Variants in CEMIP2 observed in about 807,000 individuals in gnomAD.
CEMIP2 encodes cell surface hyaluronidase CEMIP2.
In CEMIP2, 79 loss-of-function variants were observed where a neutral mutation model predicts 146.9. The ratio of observed to expected loss-of-function variants is 0.54; its 90% CI spans 0.45 to 0.65. The LOEUF is 0.65. Among genes scored for constraint, CEMIP2 ranks in the 30% least tolerant of loss-of-function variants. The probability of loss-of-function intolerance (pLI) is 0.00; values close to 1 mark genes in which losing one functional copy is unlikely to be tolerated. For missense variants in CEMIP2, 1,596 were observed against 1,696.2 expected (o/e 0.94, Z 1.04); for synonymous variants, 601 against 606.3 (o/e 0.99, Z 0.13).
In CEMIP2 at chr9:71,712,104, G is replaced by C. The variant is rs1375778339; in HGVS notation, c.2748C>G (p.Ser916=). The change falls in exon 16 of 24, where the codon TCC becomes TCG. Residue 916 remains serine (S), a synonymous_variant. Transcript: ENST00000377044. ...SWQITPRNNI[S]LVKFGPHVSL... ...TTACATGTGGACCAAACTTCACGAG[G>C]GAGATATTATTCCTGGGGGTTATCT... 1.2e-6 allele frequency: 2 copies of C among 1,614,084 alleles called. No homozygotes were observed. The highest frequency in any genetic ancestry group is 1.7e-6 in the Non-Finnish European group (2 of 1,179,988).
chr9:71,705,966 T>C (rs990521636), intron 17 of CEMIP2, among the ~76,000 whole-genome samples: 16 of 152,010 alleles, frequency 1.1e-4, no homozygotes, highest in African/African-American at 3.4e-4. Flanking sequence ...CAGTGGCTCA[T>C]GCCTGTAATC....
Position 71,685,261 on chromosome 9 carries a change from G to A in CEMIP2, c.4088C>T (p.Pro1363Leu). The A allele has an allele frequency of 6.2e-7, 1 of 1,613,570 alleles. No individual in the cohort carries two copies. Among genetic ancestry groups the A allele is most frequent in the Non-Finnish European group, 8.5e-7 (1 of 1,179,870 alleles). ...IPLQLDEYGC[P>L]RATTVRRRDL... ...TCTTCTGCGGACAGTGGTGGCTCTG[G>A]GACAACCATATTCGTCCAGCTGCAA... is the stretch of plus-strand genomic sequence containing the variant. The change falls in exon 24 of 24, where the codon CCC becomes CTC. Residue 1363 changes from proline to leucine, a missense_variant. Pro to Leu is a moderately conservative substitution (Grantham distance 98, BLOSUM62 -3). Coordinates refer to ENST00000377044, the MANE Select transcript of CEMIP2 (RefSeq NM_013390.3).
chr9:71,727,937 T>C (rs1045342702), intron 10 of CEMIP2, among the ~76,000 whole-genome samples: 1 of 152,038 alleles, frequency 6.6e-6, no homozygotes, highest in African/African-American at 2.4e-5. Context: ...GGCAGGGGCC[T>C]GTAATCCCAG....
At position 71,730,259 on chromosome 9, in the gene CEMIP2, G is replaced by C; in HGVS notation, c.1774-6C>G. 1.2e-6 allele frequency: 2 copies of C among 1,611,558 alleles called. No individual in the cohort carries two copies. The highest frequency in any genetic ancestry group is 8.5e-7 in the Non-Finnish European group (1 of 1,177,968). ...AACCCAATGGTGTCTTTTATCTGCA[G>C]AAATAAAAGTATATTAATGTCATTG... On this transcript the variant is annotated splice_region_variant and splice_polypyrimidine_tract_variant and intron_variant, in intron 8 of 23. Transcript: ENST00000377044.
At chr9:71,731,041 T>C in intron 7 of CEMIP2, 127 bp from the exon 8 acceptor site, 1 of 767,778 alleles carries the variant, frequency 1.3e-6, no homozygotes, top group Non-Finnish European at 2.1e-6. Context: ...TTTTGCATCC[T>C]GTTTTCCCAG....
chr9:71,717,026 G>T (rs1358669298), intron 13 of CEMIP2, among the ~76,000 whole-genome samples: 1 of 152,140 alleles, frequency 6.6e-6, no homozygotes, highest in Non-Finnish European at 1.5e-5. Context: ...TTAAAAGTTA[G>T]CAGGGCGTTG....
intron 10 of CEMIP2, among the ~76,000 whole-genome samples, chr9:71,728,285 A>ACG (rs1417661321): frequency 0.04 from 1,091 of 27,262 alleles, 268 homozygotes; most frequent in Middle Eastern, 0.083. Context: ...ATATATGTAT[A>ACG]TATATATATA....
In CEMIP2 at chr9:71,698,215, C is replaced by T. The variant is rs1822457887; in HGVS notation, c.3378-11G>A. ...TACAAAAACAGTAACCTGCACAAAA[C>T]AGAAACCAATCCATGTAGTTAGACT... On this transcript the variant is annotated splice_polypyrimidine_tract_variant and intron_variant, in intron 19 of 23. Coordinates refer to ENST00000377044, the MANE Select transcript of CEMIP2 (RefSeq NM_013390.3). 1 of 1,612,264 alleles carries T rather than the reference C, an allele frequency of 6.2e-7. No individual in the cohort carries two copies. The highest frequency in any genetic ancestry group is 1.1e-5 in the South Asian group (1 of 90,944).
chr9:71,765,789 A>G (rs966834202), intron 1 of CEMIP2, among the ~76,000 whole-genome samples: 6 of 152,152 alleles, frequency 3.9e-5, no homozygotes, highest in Non-Finnish European at 8.8e-5. Context: ...TGCAAGTGAC[A>G]CAGGTATCTT....
chr9:71,754,844 T>G (rs1330659832), intron 1 of CEMIP2, among the ~76,000 whole-genome samples: 10 of 151,902 alleles, frequency 6.6e-5, no homozygotes, highest in Admixed American at 6.6e-4. Context: ...AATTAAATAA[T>G]AAAGAAGTGA....
chr9:71,710,217 G>T (rs1187805009), intron 16 of CEMIP2, among the ~76,000 whole-genome samples: 1 of 152,140 alleles, frequency 6.6e-6, no homozygotes, highest in Non-Finnish European at 1.5e-5. Flanking sequence ...CTGCAAAATG[G>T]GCTGCAGGTG....
chr9:71,739,834 C>G (rs1823863918), intron 5 of CEMIP2, among the ~76,000 whole-genome samples: 1 of 152,126 alleles, frequency 6.6e-6, no homozygotes, highest in African/African-American at 2.4e-5. Flanking sequence ...GACAATTCTT[C>G]TTCCAATGTG....
chr9:71,732,446 G>T lies in CEMIP2; in HGVS notation c.1468C>A (p.Arg490=), dbSNP rs1037438500. The T allele has an allele frequency of 6.2e-7, 1 of 1,613,746 alleles. No homozygotes were observed. Among genetic ancestry groups the T allele is most frequent in the Admixed American group, 1.7e-5 (1 of 59,932 alleles). The change falls in exon 7 of 24, where the codon CGG becomes AGG. Residue 490 remains arginine, a synonymous_variant. Coordinates refer to ENST00000377044, the MANE Select transcript of CEMIP2 (RefSeq NM_013390.3). ...DMRAEVGILT[R]NIVIQGEVED... is the part of the protein sequence containing the mutation. Reference sequence around the variant, plus strand: ...ACTTCTCCTTGGATCACAATATTCCGGGTAAGAATTCCAACCTCAGCTCTC... The same window carrying T: ...ACTTCTCCTTGGATCACAATATTCCTGGTAAGAATTCCAACCTCAGCTCTC...
chr9:71,692,918 C>CG (rs767066777), intron 21 of CEMIP2, among the ~76,000 whole-genome samples: 100 of 50,474 alleles, frequency 2.0e-3, no homozygotes, highest in African/African-American at 7.5e-3. Context: ...AACAAACAAA[C>CG]AAACGACAAC....
chr9:71,735,128 T>C lies in CEMIP2; in HGVS notation c.1205-134A>G, dbSNP rs1823728332. The C allele has an allele frequency of 3.6e-6, 3 of 836,462 alleles. No homozygotes were observed. In the South Asian group the frequency reaches 5.6e-5, roughly 16 times the overall value. The allele number at this position is 836,462 out of a possible 1,614,324, so 51.8% of individuals were successfully genotyped here. On this transcript the variant is annotated intron_variant, in intron 5 of 23. Transcript: ENST00000377044. ...CGATTCAGCAAATTTTTACGCATGC[T>C]ACCATGTATTAGTCACTCTACAGAT...
At chr9:71,757,995 G>A (rs981509332) in intron 1 of CEMIP2, among the ~76,000 whole-genome samples, 6 of 152,078 alleles carry the variant, frequency 3.9e-5, no homozygotes, top group African/African-American at 9.7e-5. Flanking sequence ...TATTATAAAG[G>A]TTTTCAAAGA....
intron 5 of CEMIP2, among the ~76,000 whole-genome samples, chr9:71,737,207 C>T (rs111676305): frequency 5.6e-4 from 80 of 144,002 alleles, no homozygotes; most frequent in African/African-American, 2.0e-3. Context: ...AATCCCAGCA[C>T]TTTGGGAGGT....
At chr9:71,713,947 T>C (rs971127471) in intron 15 of CEMIP2, among the ~76,000 whole-genome samples, 4 of 151,970 alleles carry the variant, frequency 2.6e-5, no homozygotes, top group Admixed American at 6.6e-5. Flanking sequence ...ATGGCTTCTA[T>C]GGGCTAACAC....
chr9:71,760,708 A>G (rs573988687), intron 1 of CEMIP2, among the ~76,000 whole-genome samples: 4 of 134,306 alleles, frequency 3.0e-5, no homozygotes, highest in African/African-American at 1.0e-4. Flanking sequence ...AGCAATTAAG[A>G]ACAGCTAACA....
Sources: gnomAD v4.1 joint callset for allele counts (sites outside exome capture counted in the v4.1 genomes callset) on GRCh38, gnomAD v4.1.1 for gene constraint, MANE v1.5 for transcripts, NCBI Gene and HGNC (gene_info 2026-07-23, HGNC 2026-07-21) for gene names.